Variants in SOX6 observed in about 807,000 individuals in gnomAD.
The protein encoded by SOX6 is transcription factor SOX-6.
In SOX6, 11 loss-of-function variants were observed where a neutral mutation model predicts 97.8. The ratio of observed to expected loss-of-function variants is 0.11; its 90% CI spans 0.07 to 0.19. SOX6 has a LOEUF of 0.19. Ranked by LOEUF, SOX6 falls within the 10% of genes least tolerant of loss-of-function variation. SOX6 has a pLI of 1.00. For synonymous variants in SOX6, 360 were observed against 371.4 expected, an observed-to-expected ratio of 0.97 and a Z score of 0.35; for missense variants, 810 against 1,039.5, an observed-to-expected ratio of 0.78 and a Z score of 3.04.
intron 3 of SOX6, among the ~76,000 whole-genome samples, chr11:16,695,680 T>C (rs149777164): frequency 1.5e-3 from 223 of 152,248 alleles, no homozygotes; most frequent in Admixed American, 2.5e-3. Flanking sequence ...GCAGTCTTTG[T>C]TGTGATATTT....
At chr11:16,575,868 A>G (rs957973950) in intron 4 of SOX6, among the ~76,000 whole-genome samples, 1 of 152,240 alleles carries the variant, frequency 6.6e-6, no homozygotes, top group Admixed American at 6.5e-5. Context: ...GGTTGGTTAC[A>G]TAGGATTCAC....
chr11:16,381,745 G>A (rs1313506403), intron 1 of SOX6, among the ~76,000 whole-genome samples: 10 of 151,254 alleles, frequency 6.6e-5, no homozygotes, highest in Non-Finnish European at 1.2e-4. Flanking sequence ...ATCTTTCACC[G>A]ACTTCCATAT....
Position 15,972,951 on chromosome 11 carries a change from A to T in SOX6, c.2345T>A (p.Met782Lys). 6.2e-7 allele frequency: 1 copy of T among 1,614,174 alleles called. No homozygotes were observed. The highest frequency in any genetic ancestry group is 8.5e-7 in the Non-Finnish European group (1 of 1,180,024). Residue 782 changes from methionine (M) to lysine (K), a missense_variant, in exon 16 of 16, where the codon ATG becomes AAG. Transcript: ENST00000683767. ...AGCTAGGCTTCCGCCATCTGTCTTC[A>T]TACCATAAGTGCTCTGGATGACCGG... ...SLPVIQSTYG[M>K]KTDGGSLAGN...
At chr11:16,014,542 C>T (rs1347816698) in intron 13 of SOX6, among the ~76,000 whole-genome samples, 1 of 152,032 alleles carries the variant, frequency 6.6e-6, no homozygotes, top group Admixed American at 6.6e-5. Flanking sequence ...CAAATATATA[C>T]AATTATTACT....
rs201059426 is a variant in SOX6, at chr11:16,015,042, C to T, written c.1632G>A (p.Thr544=). 5.2e-5 allele frequency: 84 copies of T among 1,612,594 alleles called. No homozygotes were observed. The highest frequency in any genetic ancestry group is 2.2e-4 in the South Asian group (20 of 91,046). ...ACTGGGGCCCCAAATTCTCAAAGCG[C>T]GTTCTTTCCTAGAGGAACAAATAAT... ...LNSCRNEKER[T]RFENLGPQLT... is the part of the protein sequence containing the mutation. Residue 544 remains threonine, a synonymous_variant, in exon 13 of 16, where the codon ACG becomes ACA. Transcript: ENST00000683767.
chr11:16,179,037 C>T (rs1851276275), intron 6 of SOX6, among the ~76,000 whole-genome samples: 1 of 151,796 alleles, frequency 6.6e-6, no homozygotes, highest in Admixed American at 6.6e-5. Flanking sequence ...CTAGGTCAAG[C>T]AGGTCATGAA....
chr11:16,519,270 G>A (rs7931708), intron 4 of SOX6, among the ~76,000 whole-genome samples: 6,324 of 152,102 alleles, frequency 0.042, 416 homozygotes, highest in African/African-American at 0.14. Context: ...TAATGGTGAC[G>A]TTTGGGATCC....
At chr11:16,347,428 C>T (rs1856799592) in intron 1 of SOX6, among the ~76,000 whole-genome samples, 1 of 152,054 alleles carries the variant, frequency 6.6e-6, no homozygotes, top group South Asian at 2.1e-4. Context: ...ACAATGGCTA[C>T]TATAAATATA....
chr11:16,395,803 T>C (rs1447078538), intron 1 of SOX6, among the ~76,000 whole-genome samples: 1 of 151,802 alleles, frequency 6.6e-6, no homozygotes, highest in East Asian at 1.9e-4. Flanking sequence ...TCATTATCAC[T>C]AGCATGACGA....
At chr11:16,148,558 C>T (rs1378678923) in intron 6 of SOX6, among the ~76,000 whole-genome samples, 1 of 152,038 alleles carries the variant, frequency 6.6e-6, no homozygotes, top group Non-Finnish European at 1.5e-5. Context: ...ATTGTGTTCC[C>T]CTGGGAATGC....
intron 6 of SOX6, among the ~76,000 whole-genome samples, chr11:16,181,437 C>A (rs1434397840): frequency 1.3e-5 from 2 of 150,984 alleles, no homozygotes; most frequent in Non-Finnish European, 3.0e-5. Flanking sequence ...ATGTTTGAAG[C>A]ATCCCTCAAG....
rs182750542 is a variant in SOX6 at position 16,668,280 on chromosome 11, G to A, written n.429+46550C>T. Among the ~76,000 whole-genome samples, 378 of 138,568 alleles carry A rather than the reference G, an allele frequency of 2.7e-3. 1 individual carries two copies. Among genetic ancestry groups the A allele is most frequent in the Non-Finnish European group, 2.6e-3 (169 of 64,908 alleles). The allele number at this position is 138,568 out of a possible 152,430, so 90.9% of individuals were successfully genotyped here. A position where few individuals can be genotyped will look rare whatever the true frequency, so the allele number is the denominator to read the frequency against. On this transcript the variant is annotated intron_variant and non_coding_transcript_variant, in intron 3 of 5. Coordinates refer to the SOX6 transcript ENST00000524520. ...CCCAACTACTCCAGAGGCTGAGGCAGGAGAATTGCTTGAACATGGGAGGCA... is the reference window on the plus strand; with the variant it reads ...CCCAACTACTCCAGAGGCTGAGGCAAGAGAATTGCTTGAACATGGGAGGCA...
At chr11:16,333,183 G>A (rs1193826328) in intron 2 of SOX6, among the ~76,000 whole-genome samples, 1 of 151,990 alleles carries the variant, frequency 6.6e-6, no homozygotes, top group African/African-American at 2.4e-5. Context: ...CACAATCCTG[G>A]GTTCCTCCTC....
At chr11:16,152,403 C>T (rs1485281130) in intron 6 of SOX6, among the ~76,000 whole-genome samples, 1 of 152,132 alleles carries the variant, frequency 6.6e-6, no homozygotes, top group African/African-American at 2.4e-5. Context: ...CCCAGATGCT[C>T]ACTTCACAAA....
chr11:15,970,642 A>C lies in SOX6; in HGVS notation c.*2167T>G, dbSNP rs1853273234. 1 of 152,656 alleles carries C rather than the reference A, an allele frequency of 6.6e-6. No individual in the cohort carries two copies. The highest frequency in any genetic ancestry group is 1.5e-5 in the Non-Finnish European group (1 of 68,036). 9.5% of individuals were successfully genotyped at this position (152,656 alleles called of 1,614,324 possible). On this transcript the variant is annotated 3_prime_UTR_variant, in exon 16 of 16. Coordinates refer to ENST00000683767, the MANE Select transcript of SOX6 (RefSeq NM_001367873.1). The stretch of plus-strand genomic sequence containing the variant: ...CTAATCCCCAACCAACATGAATAAC[A>C]AAGAGTTCCTATCAGTACCTTAATC...
chr11:16,095,985 A>C lies in SOX6; in HGVS notation c.1101+11T>G, dbSNP rs1391350140. 6.2e-7 allele frequency: 1 copy of C among 1,610,912 alleles called. No homozygotes were observed. Among genetic ancestry groups the C allele is most frequent in the Non-Finnish European group, 8.5e-7 (1 of 1,178,026 alleles). On this transcript the variant is annotated intron_variant, in intron 9 of 15. Transcript: ENST00000683767. ...CCCAACCCAATGAAGCATCAATGGA[A>C]GCATTCATACCTCAATCTGTTTGTG...
chr11:16,188,394 C>G (rs915047543), intron 4 of SOX6, among the ~76,000 whole-genome samples: 1 of 152,106 alleles, frequency 6.6e-6, no homozygotes, highest in Non-Finnish European at 1.5e-5. Flanking sequence ...GCCAGCTACT[C>G]CTTCTAGATC....
chr11:16,114,103 C>T (rs886197014), intron 6 of SOX6, among the ~76,000 whole-genome samples: 16 of 152,210 alleles, frequency 1.1e-4, no homozygotes, highest in African/African-American at 3.9e-4. Context: ...AAAGCAAATA[C>T]GTAATGAAAA....
At chr11:16,015,221 G>GGC in intron 12 of SOX6, 171 bp from the exon 13 acceptor site, 1 of 665,940 alleles carries the variant, frequency 1.5e-6, no homozygotes, top group Admixed American at 2.2e-5. Context: ...TTTGTGACAT[G>GGC]GACAGCACTG....
Sources: gnomAD v4.1 joint callset for allele counts (sites outside exome capture counted in the v4.1 genomes callset) on GRCh38, gnomAD v4.1.1 for gene constraint, MANE v1.5 for transcripts, NCBI Gene and HGNC (gene_info 2026-07-23, HGNC 2026-07-21) for gene names.